Variants in THAP4 observed in about 807,000 individuals in gnomAD.
THAP4 encodes peroxynitrite isomerase THAP4.
Under a neutral mutation model 48.1 loss-of-function variants are expected in THAP4, and 18 were observed. That is an observed-to-expected ratio of 0.37 (90% CI 0.26 to 0.56). The LOEUF (loss-of-function observed/expected upper bound fraction) is 0.56, where lower values mean the gene tolerates loss of function less well. Among genes scored for constraint, THAP4 ranks in the 20% least tolerant of loss-of-function variants. THAP4 has a pLI of 0.78. For synonymous variants in THAP4, 345 were observed against 324.9 expected, an observed-to-expected ratio of 1.06 and a Z score of -0.66; for missense variants, 656 against 774.9, an observed-to-expected ratio of 0.85 and a Z score of 1.82.
rs1012345016 is a variant in THAP4 at position 241,595,577 on chromosome 2, C to T, written c.1614+6319G>A. Among the ~76,000 whole-genome samples, 5 of 151,028 alleles carry T rather than the reference C, an allele frequency of 3.3e-5. 1 individual carries two copies. Among genetic ancestry groups the T allele is most frequent in the Admixed American group, 2.6e-4 (4 of 15,120 alleles). ...GCTTGAACCCAGGAGGCAGAGGTTG[C>T]GATGAGCTGAGATGGCGCCACTGCA... On this transcript the variant is annotated intron_variant, in intron 5 of 5. Transcript: ENST00000407315.
intron 1 of THAP4, among the ~76,000 whole-genome samples, chr2:241,636,442 G>A (rs1230566939): frequency 6.6e-6 from 1 of 152,208 alleles, no homozygotes; most frequent in African/African-American, 2.4e-5. Flanking sequence ...GAGCGCAGGA[G>A]GATGCCGTCC....
intron 2 of THAP4, among the ~76,000 whole-genome samples, chr2:241,611,091 AAC>A (rs2067267139): frequency 6.6e-6 from 1 of 152,166 alleles, no homozygotes; most frequent in Non-Finnish European, 1.5e-5. Context: ...CAGCCACCAA[AAC>A]ACACATACGG....
chr2:241,632,481 C>T (rs548031620), intron 2 of THAP4, among the ~76,000 whole-genome samples: 7 of 152,216 alleles, frequency 4.6e-5, no homozygotes, highest in African/African-American at 1.4e-4. Context: ...TTCCTTAAAA[C>T]GTGAACAGAA....
At position 241,593,932 on chromosome 2, in the gene THAP4, G is replaced by A. The variant is rs2067018086; in HGVS notation, c.1614+7964C>T. Among the ~76,000 whole-genome samples, 4 of 152,102 alleles carry A rather than the reference G, an allele frequency of 2.6e-5. No individual in the cohort carries two copies. In the South Asian group the frequency reaches 8.3e-4, roughly 32 times the overall value. On this transcript the variant is annotated intron_variant, in intron 5 of 5. Coordinates refer to ENST00000407315, the MANE Select transcript of THAP4 (RefSeq NM_015963.6). ...AACTCCTGGGCTCAAGTGATCTCCT[G>A]CCTCAGCCCCACAAAGTGTTGGGAT...
At chr2:241,635,637 G>T (rs1039151947) in intron 1 of THAP4, among the ~76,000 whole-genome samples, 2 of 152,110 alleles carry the variant, frequency 1.3e-5, no homozygotes, top group Non-Finnish European at 2.9e-5. Flanking sequence ...AGGCGTGGTG[G>T]CGCTTGCCTG....
chr2:241,607,357 C>A (rs958271439), intron 2 of THAP4, among the ~76,000 whole-genome samples: 3 of 151,936 alleles, frequency 2.0e-5, no homozygotes, highest in African/African-American at 7.3e-5. Flanking sequence ...TGACCCTCAC[C>A]CTGGCTGGAT....
At chr2:241,636,654 G>T (rs2067664500) in intron 1 of THAP4, among the ~76,000 whole-genome samples, 1 of 152,146 alleles carries the variant, frequency 6.6e-6, no homozygotes, top group African/African-American at 2.4e-5. Context: ...AATCGGCCCA[G>T]GACCTGCGCT....
intron 5 of THAP4, among the ~76,000 whole-genome samples, chr2:241,587,149 A>C (rs2066904609): frequency 6.6e-6 from 1 of 152,208 alleles, no homozygotes; most frequent in South Asian, 2.1e-4. Context: ...GATTATTTTG[A>C]GTATGTCTGA....
At chr2:241,621,219 G>A (rs1246745011) in intron 2 of THAP4, among the ~76,000 whole-genome samples, 1 of 152,042 alleles carries the variant, frequency 6.6e-6, no homozygotes, top group East Asian at 1.9e-4. Flanking sequence ...GTGGTGGCGG[G>A]TGCCTGTAAT....
At position 241,602,019 on chromosome 2, in the gene THAP4, A is replaced by G; in HGVS notation, c.1511-20T>C. On this transcript the variant is annotated intron_variant, in intron 4 of 5. Transcript: ENST00000407315. Reference sequence around the variant, plus strand: ...CCACGCCTGCAAGGGAAGGGCAGTCAGCTCACCCAGCAGCTGCTCGGCTTG... The same window carrying G: ...CCACGCCTGCAAGGGAAGGGCAGTCGGCTCACCCAGCAGCTGCTCGGCTTG... 6.2e-7 allele frequency: 1 copy of G among 1,607,072 alleles called. No individual in the cohort carries two copies. The highest frequency in any genetic ancestry group is 8.5e-7 in the Non-Finnish European group (1 of 1,177,258).
chr2:241,633,038 C>T lies in THAP4; in HGVS notation c.1119G>A (p.Leu373=), dbSNP rs759530976. Residue 373 remains leucine (L), a synonymous_variant, in exon 2 of 6, where the codon CTG becomes CTA. Coordinates refer to ENST00000407315, the MANE Select transcript of THAP4 (RefSeq NM_015963.6). This position sits in a 1 kb window ranked among gnomAD's most constrained non-coding sequence, Gnocchi z 7.5. ...REQVEKKNGE[L]KSLRQRVSRS... is the part of the protein sequence containing the mutation. ...GGCTGACCCTCTGCCGCAGGCTCTT[C>T]AGCTCGCCGTTCTTCTTCTCCACCT... 6.2e-7 allele frequency: 1 copy of T among 1,613,956 alleles called. No homozygotes were observed. Among genetic ancestry groups the T allele is most frequent in the South Asian group, 1.1e-5 (1 of 91,078 alleles).
At chr2:241,627,332 AC>A (rs1256523663) in intron 2 of THAP4, among the ~76,000 whole-genome samples, 1 of 152,258 alleles carries the variant, frequency 6.6e-6, no homozygotes, top group African/African-American at 2.4e-5. Context: ...AAATTGCTGA[AC>A]TTAGGAAACA....
rs1221256461 is a variant in THAP4 at position 241,637,046 on chromosome 2, G to A, written c.-29C>T. The A allele has an allele frequency of 8.4e-7, 1 of 1,188,516 alleles. No homozygotes were observed. The highest frequency in any genetic ancestry group is 1.1e-6 in the Non-Finnish European group (1 of 942,814). 73.6% of individuals were successfully genotyped at this position (1,188,516 alleles called of 1,614,324 possible). On this transcript the variant is annotated 5_prime_UTR_variant, in exon 1 of 6. Transcript: ENST00000407315. ...GGGCCTTGGCCCAGCCGCGCAGCCA[G>A]GCCCCGGCCCTAGCCGCCCGCCCGC...
intron 5 of THAP4, among the ~76,000 whole-genome samples, chr2:241,588,427 A>C (rs1231810475): frequency 6.6e-6 from 1 of 152,238 alleles, no homozygotes; most frequent in Non-Finnish European, 1.5e-5. Flanking sequence ...TGACAAGCTG[A>C]TTCTGAAATT....
At chr2:241,609,274 G>A (rs1400128893) in intron 2 of THAP4, among the ~76,000 whole-genome samples, 1 of 152,242 alleles carries the variant, frequency 6.6e-6, no homozygotes, top group Non-Finnish European at 1.5e-5. Context: ...GGTAACGGAG[G>A]TTTCTGGCCT....
chr2:241,636,363 GA>G (rs1249732521), intron 1 of THAP4, among the ~76,000 whole-genome samples: 1 of 152,244 alleles, frequency 6.6e-6, no homozygotes, highest in African/African-American at 2.4e-5. Context: ...CAAGGCCTTA[GA>G]GGGGTTTGGG....
intron 2 of THAP4, among the ~76,000 whole-genome samples, chr2:241,619,085 G>A (rs982867793): frequency 2.0e-5 from 3 of 152,186 alleles, no homozygotes; most frequent in Non-Finnish European, 2.9e-5. Flanking sequence ...GGCTTAAATC[G>A]AGTCACAGGC....
chr2:241,603,385 GC>G (rs1380168967), intron 3 of THAP4, among the ~76,000 whole-genome samples: 31 of 102,652 alleles, frequency 3.0e-4, no homozygotes, highest in Middle Eastern at 7.7e-3. Context: ...GGCTGTTCCA[GC>G]CACACCCGCA....
At chr2:241,622,680 G>C (rs756937214) in intron 2 of THAP4, among the ~76,000 whole-genome samples, 1 of 152,092 alleles carries the variant, frequency 6.6e-6, no homozygotes, top group African/African-American at 2.4e-5. Context: ...GCTCACTGCA[G>C]CTTCAACCTC....
Sources: gnomAD v4.1 joint callset for allele counts (sites outside exome capture counted in the v4.1 genomes callset) on GRCh38, gnomAD v4.1.1 for gene constraint, Gnocchi (gnomAD v3.1) non-coding constraint, MANE v1.5 for transcripts, NCBI Gene and HGNC (gene_info 2026-07-23, HGNC 2026-07-21) for gene names.